Variants in ZNF536 observed in about 807,000 individuals in gnomAD.
The protein encoded by ZNF536 is zinc finger protein 536.
In ZNF536, 13 loss-of-function variants were observed where a neutral mutation model predicts 84.5. That is an observed-to-expected ratio of 0.15 (90% CI 0.10 to 0.24). The LOEUF (loss-of-function observed/expected upper bound fraction) is 0.24, where lower values mean the gene tolerates loss of function less well. Among genes scored for constraint, ZNF536 ranks in the 10% least tolerant of loss-of-function variants. The probability of loss-of-function intolerance (pLI) is 1.00; values close to 1 mark genes in which losing one functional copy is unlikely to be tolerated. For missense variants in ZNF536, 1,536 were observed against 1,747.5 expected, an observed-to-expected ratio of 0.88 and a Z score of 2.16; for synonymous variants, 811 against 742.5, an observed-to-expected ratio of 1.09 and a Z score of -1.50.
intron 1 of ZNF536, among the ~76,000 whole-genome samples, chr19:30,254,082 A>G (rs2024775041): frequency 6.6e-6 from 1 of 152,172 alleles, no homozygotes; most frequent in African/African-American, 2.4e-5. Context: ...CATGAAGATG[A>G]GTTGCACTTT....
chr19:30,666,303 C>A (rs2147655203), intron 1 of ZNF536, among the ~76,000 whole-genome samples: 1 of 152,262 alleles, frequency 6.6e-6, no homozygotes, highest in Non-Finnish European at 1.5e-5. Flanking sequence ...GTGGCTCAGG[C>A]CCTGCTGCTG....
chr19:30,709,045 G>A (rs887166566), intron 1 of ZNF536, among the ~76,000 whole-genome samples: 3 of 152,056 alleles, frequency 2.0e-5, no homozygotes, highest in East Asian at 1.9e-4. Flanking sequence ...ACAGCTTCCC[G>A]GAAGCAGGGG....
intron 1 of ZNF536, among the ~76,000 whole-genome samples, chr19:30,277,931 AC>A (rs2045298068): frequency 6.6e-6 from 1 of 152,060 alleles, no homozygotes; most frequent in South Asian, 2.1e-4. Context: ...CTTCAGCATG[AC>A]CCTGACAGCA....
intron 4 of ZNF536, among the ~76,000 whole-genome samples, chr19:30,550,917 C>T (rs1791960607): frequency 6.6e-6 from 1 of 152,114 alleles, no homozygotes; most frequent in Non-Finnish European, 1.5e-5. Context: ...AACCACTACC[C>T]CCAGATCTAT....
chr19:30,293,042 C>G (rs1346992131), intron 2 of ZNF536, among the ~76,000 whole-genome samples: 1 of 152,160 alleles, frequency 6.6e-6, no homozygotes, highest in Admixed American at 6.5e-5. Context: ...TTCTTTGGAT[C>G]GCATGTTGTT....
intron 1 of ZNF536, among the ~76,000 whole-genome samples, chr19:30,662,064 C>T (rs1173915471): frequency 6.6e-6 from 1 of 152,146 alleles, no homozygotes. Flanking sequence ...TTGATGCACC[C>T]AACTTTCCCA....
intron 1 of ZNF536, among the ~76,000 whole-genome samples, chr19:30,629,282 TC>T (rs1465312905): frequency 6.6e-6 from 1 of 152,166 alleles, no homozygotes; most frequent in Non-Finnish European, 1.5e-5. Flanking sequence ...TACTGCAGGC[TC>T]GACCTCCTCG....
chr19:30,382,602 G>T (rs2147184418), intron 1 of ZNF536, among the ~76,000 whole-genome samples: 1 of 151,620 alleles, frequency 6.6e-6, no homozygotes, highest in East Asian at 1.9e-4. Flanking sequence ...AGTTCTGTGT[G>T]AAAACTAGAA....
intron 4 of ZNF536, among the ~76,000 whole-genome samples, chr19:30,553,210 C>A (rs1000920324): frequency 1.3e-5 from 2 of 152,210 alleles, no homozygotes; most frequent in African/African-American, 4.8e-5. Context: ...AAGACCAGAG[C>A]AGTGTTTGCA....
intron 1 of ZNF536, among the ~76,000 whole-genome samples, chr19:30,671,708 AT>A (rs150395932): frequency 2.0e-5 from 3 of 152,294 alleles, no homozygotes; most frequent in African/African-American, 7.2e-5. Flanking sequence ...CACCTGCGCT[AT>A]CTCAGGAAGC....
intron 1 of ZNF536, among the ~76,000 whole-genome samples, chr19:30,387,097 G>A (rs1431719118): frequency 1.3e-5 from 2 of 152,188 alleles, no homozygotes; most frequent in Non-Finnish European, 2.9e-5. Flanking sequence ...ACAGAGAAAA[G>A]GTGTTTGGTC....
At chr19:30,389,906 T>C (rs2049508846) in intron 1 of ZNF536, among the ~76,000 whole-genome samples, 1 of 152,230 alleles carries the variant, frequency 6.6e-6, no homozygotes, top group African/African-American at 2.4e-5. Context: ...AAAAGATTTT[T>C]CCAGCAGAAT....
At chr19:30,695,579 C>T (rs575597406) in intron 1 of ZNF536, among the ~76,000 whole-genome samples, 14 of 152,018 alleles carry the variant, frequency 9.2e-5, no homozygotes, top group East Asian at 3.9e-4. Context: ...CTGGTAGGAA[C>T]GACAGTGTAT....
intron 1 of ZNF536, among the ~76,000 whole-genome samples, chr19:30,611,390 C>A (rs1417778769): frequency 6.6e-6 from 1 of 152,202 alleles, no homozygotes; most frequent in Non-Finnish European, 1.5e-5. Context: ...TGCCCTTGGA[C>A]CCCTCTTATA....
chr19:30,662,962 C>CTTTTTTTTTTTT (rs951081577), intron 1 of ZNF536, among the ~76,000 whole-genome samples: 5 of 78,752 alleles, frequency 6.3e-5, no homozygotes, highest in African/African-American at 1.5e-4. Context: ...TTTTTCGTTT[C>CTTTTTTTTTTTT]TTTTTTTTTT....
chr19:30,460,319 C>T (rs759762133), intron 2 of ZNF536, among the ~76,000 whole-genome samples: 9 of 152,122 alleles, frequency 5.9e-5, no homozygotes, highest in Admixed American at 2.0e-4. Flanking sequence ...GAGATTCAGA[C>T]GGAGGAGGAG....
At chr19:30,402,794 AAAATAT>A (rs367870679) in intron 1 of ZNF536, among the ~76,000 whole-genome samples, 5,693 of 76,690 alleles carry the variant, frequency 0.074, 434 homozygotes, top group African/African-American at 0.18. Context: ...TTAAAATTAA[AAAATAT>A]ATATATATAT....
At chr19:30,470,492 TA>T (rs1203049174) in intron 2 of ZNF536, among the ~76,000 whole-genome samples, 2 of 151,240 alleles carry the variant, frequency 1.3e-5, no homozygotes, top group African/African-American at 2.4e-5. Context: ...TTTTAATTAA[TA>T]AACTTTGTTT....
chr19:30,253,140 G>A (rs1474788272), intron 1 of ZNF536, among the ~76,000 whole-genome samples: 2 of 152,134 alleles, frequency 1.3e-5, no homozygotes, highest in Non-Finnish European at 2.9e-5. Context: ...CCTCCTAACC[G>A]CAGGGAGACC....
Sources: allele counts gnomAD v4.1 joint callset (sites outside exome capture counted in the v4.1 genomes callset), GRCh38; gene constraint gnomAD v4.1.1; transcripts MANE v1.5; gene names NCBI Gene and HGNC (gene_info 2026-07-23, HGNC 2026-07-21).